The following MYSM1 variants were observed in gnomAD, a reference collection of about 807,000 sequenced individuals.
MYSM1 encodes deubiquitinase MYSM1.
MYSM1 carries 51 observed loss-of-function variants against 116.0 expected under a neutral mutation model. That is an observed-to-expected ratio of 0.44 (90% CI 0.35 to 0.56). The LOEUF (loss-of-function observed/expected upper bound fraction) is 0.56. MYSM1 is among the 20% of genes least tolerant of loss of function. The pLI is 0.00. For synonymous variants in MYSM1, 313 were observed against 315.2 expected, an observed-to-expected ratio of 0.99 and a Z score of 0.07; for missense variants, 900 against 974.9, an observed-to-expected ratio of 0.92 and a Z score of 1.02.
intron 1 of MYSM1, among the ~76,000 whole-genome samples, chr1:58,697,135 A>G (rs576366701): frequency 6.6e-6 from 1 of 152,358 alleles, no homozygotes; most frequent in Non-Finnish European, 1.5e-5. Flanking sequence ...ACAGCCCTAA[A>G]TAACTGATAG....
intron 17 of MYSM1, among the ~76,000 whole-genome samples, chr1:58,662,866 G>GTATAA (rs1478433995): frequency 6.6e-6 from 1 of 151,768 alleles, no homozygotes; most frequent in African/African-American, 2.4e-5. Context: ...TATAGTACAC[G>GTATAA]GGGTATTAAG....
intron 6 of MYSM1, among the ~76,000 whole-genome samples, chr1:58,688,527 A>AT (rs1644860421): frequency 6.6e-6 from 1 of 151,932 alleles, no homozygotes; most frequent in Non-Finnish European, 1.5e-5. Flanking sequence ...ACTTGTGAAC[A>AT]TTTAAATAGA....
intron 9 of MYSM1, among the ~76,000 whole-genome samples, chr1:58,676,289 G>A (rs991746474): frequency 1.3e-5 from 2 of 151,674 alleles, no homozygotes; most frequent in Non-Finnish European, 1.5e-5. Context: ...GGTGGCATGC[G>A]CCTGTAGTCC....
At chr1:58,689,689 T>C (rs960309967) in intron 5 of MYSM1, 3 of 152,730 alleles carry the variant, frequency 2.0e-5, no homozygotes, top group Non-Finnish European at 4.4e-5. Flanking sequence ...TTCAGCAAAA[T>C]ACAAAAGCAA....
chr1:58,689,201 G>T, intron 5 of MYSM1, 85 bp from the exon 6 acceptor site: 1 of 979,164 alleles, frequency 1.0e-6, no homozygotes, highest in Non-Finnish European at 1.5e-6. Flanking sequence ...AGATAGCCAT[G>T]GGCTAAATTC....
In MYSM1 at chr1:58,667,054, G is replaced by A; in HGVS notation, c.2015C>T (p.Thr672Ile). The A allele has an allele frequency of 6.2e-7, 1 of 1,609,076 alleles. No individual in the cohort carries two copies. Among genetic ancestry groups the A allele is most frequent in the Non-Finnish European group, 8.5e-7 (1 of 1,176,628 alleles). Residue 672 changes from threonine to isoleucine, a missense_variant, in exon 16 of 20, where the codon ACA becomes ATA. Physicochemically the swap from Thr to Ile is moderately conservative, Grantham distance 89. Transcript: ENST00000472487. ...DPNPSLRDID[T>I]QAKYQSYFSR... Reference sequence around the variant, plus strand: ...ATGTAATACCTGGTATTTAGCTTGTGTGTCAATATCTCGTAAGGAAGGATT... The same window carrying A: ...ATGTAATACCTGGTATTTAGCTTGTATGTCAATATCTCGTAAGGAAGGATT...
At chr1:58,687,330 G>A (rs2100664255) in intron 6 of MYSM1, among the ~76,000 whole-genome samples, 1 of 152,234 alleles carries the variant, frequency 6.6e-6, no homozygotes, top group Non-Finnish European at 1.5e-5. Flanking sequence ...GAAGACACTG[G>A]TTACCCCGGG....
intron 3 of MYSM1, among the ~76,000 whole-genome samples, chr1:58,691,759 C>G (rs1644908957): frequency 6.6e-6 from 1 of 151,966 alleles, no homozygotes; most frequent in African/African-American, 2.4e-5. Flanking sequence ...CCCAGCTACT[C>G]AGGAGGCTGA....
rs367953279 is a variant in MYSM1, at chr1:58,682,112, A to G, written c.932T>C (p.Leu311Ser). The change falls in exon 8 of 20, where the codon TTA (leucine) becomes TCA (serine). Residue 311 changes from leucine (L) to serine (S), a missense_variant. This residue lies in a region of MYSM1 where 622 missense variants were observed against 623.7 expected (regional missense o/e 1.00). Coordinates refer to ENST00000472487, the MANE Select transcript of MYSM1 (RefSeq NM_001085487.3). ...CAATTCATTAAATTTCTGGTCATTT[A>G]ATTCAATTGATTTTTTGTCACCATT... ...QSNGDKKSIE[L>S]NDQKFNELIK... The G allele has an allele frequency of 1.2e-6, 2 of 1,613,846 alleles. No homozygotes were observed. Among genetic ancestry groups the G allele is most frequent in the African/African-American group, 2.7e-5 (2 of 75,010 alleles).
intron 9 of MYSM1, among the ~76,000 whole-genome samples, chr1:58,676,569 T>C (rs1202201460): frequency 1.3e-5 from 2 of 152,162 alleles, no homozygotes; most frequent in Non-Finnish European, 2.9e-5. Flanking sequence ...ATTTAAACAT[T>C]GCTAGGTAGT....
chr1:58,684,348 G>A (rs1023411604), intron 7 of MYSM1, among the ~76,000 whole-genome samples: 5 of 151,984 alleles, frequency 3.3e-5, no homozygotes, highest in African/African-American at 1.2e-4. Context: ...GGTGGATCAC[G>A]AGGTCAGGAG....
At chr1:58,695,990 T>C (rs1457421083) in intron 1 of MYSM1, among the ~76,000 whole-genome samples, 1 of 152,320 alleles carries the variant, frequency 6.6e-6, no homozygotes, top group East Asian at 1.9e-4. Flanking sequence ...ATAAGAATTT[T>C]CCATCTCTAA....
intron 12 of MYSM1, among the ~76,000 whole-genome samples, chr1:58,669,836 CAAAAA>C (rs58828009): frequency 4.8e-4 from 7 of 14,584 alleles, no homozygotes; most frequent in South Asian, 1.8e-3. Flanking sequence ...ACCCTGTCTC[CAAAAA>C]AAAAAAAAAA....
chr1:58,699,919 C>T (rs1645037788), intron 1 of MYSM1, 66 bp downstream of exon 1: 1 of 1,607,484 alleles, frequency 6.2e-7, no homozygotes, highest in Non-Finnish European at 8.5e-7. Context: ...CTGCAGCTTT[C>T]CCAGGGCCCG....
At chr1:58,670,072 A>G (rs1333375015) in intron 12 of MYSM1, among the ~76,000 whole-genome samples, 1 of 152,178 alleles carries the variant, frequency 6.6e-6, no homozygotes, top group African/African-American at 2.4e-5. Flanking sequence ...GGGCAATTCC[A>G]TTTCCATTCA....
At chr1:58,664,329 C>CATT (rs1364292479) in intron 17 of MYSM1, among the ~76,000 whole-genome samples, 1 of 152,160 alleles carries the variant, frequency 6.6e-6, no homozygotes, top group East Asian at 1.9e-4. Flanking sequence ...TCAAAATGGA[C>CATT]ATTCCAGACT....
chr1:58,667,191 T>G lies in MYSM1; in HGVS notation c.1878A>C (p.Thr626=). Residue 626 remains threonine, a synonymous_variant, in exon 16 of 20, where the codon ACA becomes ACC. Transcript: ENST00000472487. ...CAAEPCNSLS[T]GLQCEMDPVS... is the part of the protein sequence containing the mutation. Reference sequence around the variant, plus strand: ...CAGGATCCATCTCACACTGTAGTCCTGTACTCAGACTGTTACATGGTTCTG... The same window carrying G: ...CAGGATCCATCTCACACTGTAGTCCGGTACTCAGACTGTTACATGGTTCTG... 6.2e-7 allele frequency: 1 copy of G among 1,604,350 alleles called. No individual in the cohort carries two copies. Among genetic ancestry groups the G allele is most frequent in the Non-Finnish European group, 8.5e-7 (1 of 1,174,478 alleles).
chr1:58,696,154 T>C (rs1176113313), intron 1 of MYSM1, among the ~76,000 whole-genome samples: 1 of 152,214 alleles, frequency 6.6e-6, no homozygotes, highest in African/African-American at 2.4e-5. Context: ...TCAACTATGA[T>C]CTGGAAGAGG....
At chr1:58,698,824 ACC>A (rs1557530843) in intron 1 of MYSM1, among the ~76,000 whole-genome samples, 1 of 152,192 alleles carries the variant, frequency 6.6e-6, no homozygotes, top group African/African-American at 2.4e-5. Context: ...AGGGACAATG[ACC>A]ATATGAGTTT....
Sources: allele counts gnomAD v4.1 joint callset (sites outside exome capture counted in the v4.1 genomes callset), GRCh38; gene constraint gnomAD v4.1.1; regional missense constraint gnomAD v4.1.1; transcripts MANE v1.5; gene names NCBI Gene and HGNC (gene_info 2026-07-23, HGNC 2026-07-21).